EEFSEC: variants seen among roughly 807,000 people sequenced by gnomAD.
EEFSEC encodes selenocysteine-specific elongation factor.
EEFSEC carries 43 observed loss-of-function variants against 42.1 expected under a neutral mutation model. That is an observed-to-expected ratio of 1.02 (90% CI 0.80 to 1.32). The LOEUF (loss-of-function observed/expected upper bound fraction) is 1.32, where lower values mean the gene tolerates loss of function less well. Ranked by LOEUF, EEFSEC falls within the 40% of genes most tolerant of loss-of-function variation. The pLI, the probability that EEFSEC is intolerant of heterozygous loss-of-function variation, is 0.00. For missense variants in EEFSEC, 745 were observed against 803.6 expected (o/e 0.93, Z 0.88); for synonymous variants, 354 against 339.1 (o/e 1.04, Z -0.48).
intron 4 of EEFSEC, among the ~76,000 whole-genome samples, chr3:128,302,139 C>T (rs919564464): frequency 2.0e-5 from 3 of 152,166 alleles, no homozygotes; most frequent in Non-Finnish European, 4.4e-5. Flanking sequence ...CTTGGCATGA[C>T]ATTTATCATC....
intron 1 of EEFSEC, among the ~76,000 whole-genome samples, chr3:128,202,051 C>G (rs1379591404): frequency 6.7e-6 from 1 of 149,012 alleles, no homozygotes; most frequent in Non-Finnish European, 1.5e-5. Flanking sequence ...ATTTGTTTGT[C>G]TGTCTTCACA....
chr3:128,284,444 G>A (rs1237282244), intron 4 of EEFSEC, among the ~76,000 whole-genome samples: 1 of 151,948 alleles, frequency 6.6e-6, no homozygotes, highest in Non-Finnish European at 1.5e-5. Flanking sequence ...CCTGCCCAGT[G>A]CTGGGGGTTG....
At chr3:128,310,375 C>T (rs941487714) in intron 4 of EEFSEC, among the ~76,000 whole-genome samples, 1 of 152,234 alleles carries the variant, frequency 6.6e-6, no homozygotes, top group Non-Finnish European at 1.5e-5. Context: ...ATCTTGACTC[C>T]TGGAGGTTGT....
chr3:128,396,025 C>T lies in EEFSEC; in HGVS notation c.1601-12044C>T, dbSNP rs980011320. Among the ~76,000 whole-genome samples the T allele has an allele frequency of 9.8e-5, 15 of 152,360 alleles. No homozygotes were observed. In the East Asian group the frequency reaches 2.9e-3, roughly 29 times the overall value. ...CTGACAGCACCACTGTCATCCCTGC[C>T]TGCCCTGCAGGTGTCAAGGCCTGCC... On this transcript the variant is annotated intron_variant, in intron 6 of 6. Transcript: ENST00000254730.
chr3:128,368,790 T>A (rs981143967), intron 6 of EEFSEC, among the ~76,000 whole-genome samples: 1 of 152,140 alleles, frequency 6.6e-6, no homozygotes, highest in African/African-American at 2.4e-5. Context: ...GCGTTGGGAG[T>A]GGGCTGCCAG....
chr3:128,379,012 T>C lies in EEFSEC; in HGVS notation c.1600+20639T>C, dbSNP rs540263305. 3.9e-5 allele frequency among the ~76,000 whole-genome samples: 6 copies of C among 152,220 alleles called. No individual in the cohort carries two copies. The East Asian group carries it at 1.2e-3, about 29-fold the overall frequency. ...GAGAGGTGAGGGGTGAAAGTTGAGG[T>C]TTCAGAAAATCCCTGTAAAAATGAA... is the stretch of plus-strand genomic sequence containing the variant. On this transcript the variant is annotated intron_variant, in intron 6 of 6. Coordinates refer to ENST00000254730, the MANE Select transcript of EEFSEC (RefSeq NM_021937.5).
intron 5 of EEFSEC, among the ~76,000 whole-genome samples, chr3:128,349,243 T>G (rs2067352962): frequency 6.6e-6 from 1 of 151,186 alleles, no homozygotes; most frequent in African/African-American, 2.4e-5. Context: ...GGGGGAGTAA[T>G]GCAGGTTGGG....
intron 6 of EEFSEC, among the ~76,000 whole-genome samples, chr3:128,365,115 G>A (rs116745393): frequency 6.6e-6 from 1 of 152,348 alleles, no homozygotes; most frequent in Non-Finnish European, 1.5e-5. Context: ...GCTCAGCATG[G>A]TATCCCATCC....
chr3:128,304,043 T>A (rs933669212), intron 4 of EEFSEC, among the ~76,000 whole-genome samples: 3 of 151,908 alleles, frequency 2.0e-5, no homozygotes, highest in African/African-American at 7.2e-5. Context: ...TGCCAGTGTT[T>A]CTTTTCTTTT....
At chr3:128,266,238 G>A (rs2066352410) in intron 4 of EEFSEC, among the ~76,000 whole-genome samples, 1 of 152,176 alleles carries the variant, frequency 6.6e-6, no homozygotes, top group African/African-American at 2.4e-5. Context: ...TAAAGTTGGA[G>A]CACTGTGGCC....
At chr3:128,282,869 G>A (rs1486458184) in intron 4 of EEFSEC, among the ~76,000 whole-genome samples, 2 of 152,230 alleles carry the variant, frequency 1.3e-5, no homozygotes, top group African/African-American at 4.8e-5. Flanking sequence ...CACAGGCTTT[G>A]TGCCAGGCTG....
intron 1 of EEFSEC, among the ~76,000 whole-genome samples, chr3:128,159,754 C>T (rs1449082267): frequency 6.6e-6 from 1 of 152,250 alleles, no homozygotes; most frequent in Non-Finnish European, 1.5e-5. Context: ...GTACATCTGG[C>T]TCCTTAAGTC....
At chr3:128,190,668 G>A (rs983976093) in intron 1 of EEFSEC, among the ~76,000 whole-genome samples, 2 of 152,182 alleles carry the variant, frequency 1.3e-5, no homozygotes, top group Non-Finnish European at 2.9e-5. Context: ...CTACAGGAGT[G>A]CAGAGTCATG....
chr3:128,261,168 C>T (rs1176097951), intron 2 of EEFSEC, among the ~76,000 whole-genome samples: 2 of 152,138 alleles, frequency 1.3e-5, no homozygotes, highest in East Asian at 3.8e-4. Context: ...GACTGAGAGC[C>T]CTGGCTTCAG....
At chr3:128,303,217 C>T (rs752132685) in intron 4 of EEFSEC, among the ~76,000 whole-genome samples, 1 of 152,114 alleles carries the variant, frequency 6.6e-6, no homozygotes, top group Non-Finnish European at 1.5e-5. Flanking sequence ...GCAATCCTCC[C>T]GTCTACCAAA....
At position 128,408,405 on chromosome 3, in the gene EEFSEC, C is replaced by G; in HGVS notation, c.*146C>G. ...CCCACCCCCAAGCTTGGTGCTGAGC[C>G]CTGGTGAGGAGCTGAGGGGGATGGG... On this transcript the variant is annotated 3_prime_UTR_variant, in exon 7 of 7. Transcript: ENST00000254730. The G allele has an allele frequency of 1.1e-6, 1 of 878,556 alleles. No individual in the cohort carries two copies. The highest frequency in any genetic ancestry group is 1.7e-6 in the Non-Finnish European group (1 of 598,244). The allele number at this position is 878,556 out of a possible 1,614,324, so 54.4% of individuals were successfully genotyped here. A position where few individuals can be genotyped will look rare whatever the true frequency, so the allele number is the denominator to read the frequency against.
intron 6 of EEFSEC, among the ~76,000 whole-genome samples, chr3:128,381,057 C>T (rs556780859): frequency 1.3e-5 from 2 of 152,326 alleles, no homozygotes; most frequent in South Asian, 2.1e-4. Context: ...TTTGGGCCTC[C>T]CCTAAGCAGA....
intron 1 of EEFSEC, among the ~76,000 whole-genome samples, chr3:128,158,603 G>A (rs1158088831): frequency 5.3e-5 from 8 of 152,168 alleles, no homozygotes; most frequent in Non-Finnish European, 1.0e-4. Context: ...GTAATCATTA[G>A]CATTTTTTAG....
intron 6 of EEFSEC, among the ~76,000 whole-genome samples, chr3:128,401,358 C>A (rs1172528321): frequency 6.6e-6 from 1 of 152,248 alleles, no homozygotes; most frequent in Non-Finnish European, 1.5e-5. Context: ...TTCATCAAAC[C>A]TCCCTGAGCC....
Sources: allele counts gnomAD v4.1 joint callset (sites outside exome capture counted in the v4.1 genomes callset), GRCh38; gene constraint gnomAD v4.1.1; transcripts MANE v1.5; gene names NCBI Gene and HGNC (gene_info 2026-07-23, HGNC 2026-07-21).